PBX1: variants seen among roughly 807,000 people sequenced by gnomAD.
The protein encoded by PBX1 is pre-B-cell leukemia transcription factor 1.
PBX1 carries 6 observed loss-of-function variants against 53.4 expected under a neutral mutation model. The observed-to-expected ratio is 0.11, with a 90% CI of 0.06 to 0.22. The LOEUF (loss-of-function observed/expected upper bound fraction) is 0.22. Ranked by LOEUF, PBX1 falls within the 10% of genes least tolerant of loss-of-function variation. The probability of loss-of-function intolerance (pLI) is 1.00; values close to 1 mark genes in which losing one functional copy is unlikely to be tolerated. For synonymous variants in PBX1, 204 were observed against 212.3 expected (o/e 0.96, Z 0.34); for missense variants, 251 against 551.4 (o/e 0.46, Z 5.46).
chr1:164,771,276 T>C (rs923113697), intron 2 of PBX1: 1 of 152,054 alleles, frequency 6.6e-6, no homozygotes, highest in Non-Finnish European at 1.5e-5. Context: ...CGAGGGTGTG[T>C]GTTGGGAGAC....
chr1:164,572,769 C>T (rs1653962800), intron 2 of PBX1, among the ~76,000 whole-genome samples: 1 of 152,174 alleles, frequency 6.6e-6, no homozygotes, highest in African/African-American at 2.4e-5. Flanking sequence ...AATGAGTATG[C>T]TCAACTAGTG....
At chr1:164,640,723 AT>A (rs1050781278) in intron 2 of PBX1, among the ~76,000 whole-genome samples, 1 of 151,458 alleles carries the variant, frequency 6.6e-6, no homozygotes, top group Non-Finnish European at 1.5e-5. Flanking sequence ...TGCCTGGCTG[AT>A]TTTTTTGTAT....
intron 2 of PBX1, among the ~76,000 whole-genome samples, chr1:164,786,720 T>TGCGC (rs1553246258): frequency 3.3e-4 from 38 of 116,272 alleles, no homozygotes; most frequent in African/African-American, 1.1e-3. Flanking sequence ...TGTGTGTGTG[T>TGCGC]GCGCGCGCAC....
At chr1:164,832,642 A>G (rs548748256) in intron 8 of PBX1, among the ~76,000 whole-genome samples, 1 of 152,276 alleles carries the variant, frequency 6.6e-6, no homozygotes, top group South Asian at 2.1e-4. Flanking sequence ...AAATAGAACT[A>G]GAAAATTAAA....
At chr1:164,712,108 C>A (rs1663826059) in intron 2 of PBX1, among the ~76,000 whole-genome samples, 1 of 148,124 alleles carries the variant, frequency 6.8e-6, no homozygotes. Flanking sequence ...GGGGGAGGGG[C>A]CACTTCATTA....
At chr1:164,763,500 C>A (rs540447619) in intron 2 of PBX1, among the ~76,000 whole-genome samples, 1 of 152,322 alleles carries the variant, frequency 6.6e-6, no homozygotes, top group African/African-American at 2.4e-5. Flanking sequence ...GGACATGTAG[C>A]TGGGTAAAAA....
At chr1:164,745,300 C>T (rs1386182287) in intron 2 of PBX1, among the ~76,000 whole-genome samples, 4 of 152,148 alleles carry the variant, frequency 2.6e-5, no homozygotes, top group Admixed American at 6.5e-5. Flanking sequence ...CCTTTATCAT[C>T]GCAGACTGTG....
chr1:164,865,839 C>T (rs1290437183), intron 2 of PBX1, among the ~76,000 whole-genome samples: 2 of 152,158 alleles, frequency 1.3e-5, no homozygotes, highest in Non-Finnish European at 2.9e-5. Flanking sequence ...GAATTCTTGC[C>T]TCAGTGTGGA....
chr1:164,656,288 A>G (rs1413135331), intron 2 of PBX1, among the ~76,000 whole-genome samples: 1 of 152,208 alleles, frequency 6.6e-6, no homozygotes, highest in Non-Finnish European at 1.5e-5. Context: ...CTGTCCTGAT[A>G]AAAGTCTCAG....
At chr1:164,603,437 T>G (rs951724568) in intron 2 of PBX1, among the ~76,000 whole-genome samples, 3 of 152,178 alleles carry the variant, frequency 2.0e-5, no homozygotes, top group Non-Finnish European at 4.4e-5. Flanking sequence ...CTAGAGGACT[T>G]TCACAGTGCT....
chr1:164,641,567 G>C (rs1201408394), intron 2 of PBX1: 2 of 152,298 alleles, frequency 1.3e-5, no homozygotes, highest in East Asian at 3.8e-4. Flanking sequence ...TGTAGCTTCA[G>C]GTCTGGCCTG....
At chr1:164,686,594 T>C (rs1780361) in intron 2 of PBX1, among the ~76,000 whole-genome samples, 139,662 of 152,234 alleles carry the variant, frequency 0.92, 64,099 homozygotes, top group Admixed American at 0.94. Context: ...GATTCCTCCT[T>C]GTGTTCACAG....
Position 164,596,298 on chromosome 1 carries a change from A to G in PBX1, c.265+32987A>G, listed in dbSNP as rs531739098. 5.3e-5 allele frequency among the ~76,000 whole-genome samples: 8 copies of G among 152,272 alleles called. No homozygotes were observed. In the East Asian group the frequency reaches 1.2e-3, roughly 22 times the overall value. ...ATGGTAAAATCGGGCCTCATTTCCTACATGGTAAATATGCACTCTCCTTGA... is the reference window on the plus strand; with the variant it reads ...ATGGTAAAATCGGGCCTCATTTCCTGCATGGTAAATATGCACTCTCCTTGA... On this transcript the variant is annotated intron_variant, in intron 2 of 8. Transcript: ENST00000420696.
At chr1:164,592,639 A>G (rs893937520) in intron 2 of PBX1, among the ~76,000 whole-genome samples, 5 of 152,164 alleles carry the variant, frequency 3.3e-5, no homozygotes, top group Non-Finnish European at 7.3e-5. Flanking sequence ...CCTTGTTGGA[A>G]TTGGCATGGC....
intron 2 of PBX1, among the ~76,000 whole-genome samples, chr1:164,862,534 A>G (rs1290327659): frequency 1.3e-5 from 2 of 152,202 alleles, no homozygotes; most frequent in East Asian, 1.9e-4. Context: ...CCCAATTACC[A>G]TCTCATATAG....
At chr1:164,569,613 C>T (rs1457859314) in intron 2 of PBX1, among the ~76,000 whole-genome samples, 2 of 131,468 alleles carry the variant, frequency 1.5e-5, no homozygotes, top group Admixed American at 9.1e-5. Flanking sequence ...ACTCTATCTC[C>T]CAGGTTGGAG....
At chr1:164,745,270 C>T (rs1394802491) in intron 2 of PBX1, among the ~76,000 whole-genome samples, 3 of 152,150 alleles carry the variant, frequency 2.0e-5, no homozygotes, top group Non-Finnish European at 4.4e-5. Flanking sequence ...TCTCTTTTCT[C>T]AACACTGCCC....
At chr1:164,731,941 A>G (rs1048702139) in intron 2 of PBX1, among the ~76,000 whole-genome samples, 1 of 151,998 alleles carries the variant, frequency 6.6e-6, no homozygotes, top group Non-Finnish European at 1.5e-5. Flanking sequence ...AAGGTGGGAG[A>G]GGGGTCAGTG....
In PBX1 at chr1:164,783,727, C is replaced by T. The variant is rs116501655; in HGVS notation, c.266-8767C>T. On this transcript the variant is annotated intron_variant, in intron 2 of 8. Coordinates refer to ENST00000420696, the MANE Select transcript of PBX1 (RefSeq NM_002585.4). ...GACACCCAAGGCCTGTTTTAGTGTA[C>T]GTTTTTTTTTGTGCCATGCTGTGGC... Among the ~76,000 whole-genome samples the T allele has an allele frequency of 9.1e-3, 1,384 of 152,094 alleles. 22 individuals carry two copies. The highest frequency in any genetic ancestry group is 0.032 in the African/African-American group (1,334 of 41,472).
Sources: allele counts gnomAD v4.1 joint callset (sites outside exome capture counted in the v4.1 genomes callset), GRCh38; gene constraint gnomAD v4.1.1; transcripts MANE v1.5; gene names NCBI Gene and HGNC (gene_info 2026-07-23, HGNC 2026-07-21).